The following EXPH5 variants were observed in gnomAD, a reference collection of about 807,000 sequenced individuals.
The protein encoded by EXPH5 is exophilin-5.
Under a neutral mutation model 41.1 loss-of-function variants are expected in EXPH5, and 42 were observed. The ratio of observed to expected loss-of-function variants is 1.02; its 90% CI spans 0.80 to 1.32. EXPH5 has a LOEUF of 1.32. EXPH5 is among the 40% of genes most tolerant of loss of function. The probability of loss-of-function intolerance (pLI) is 0.00; values close to 1 mark genes in which losing one functional copy is unlikely to be tolerated. For missense variants in EXPH5, 2,298 were observed against 2,314.5 expected (o/e 0.99, Z 0.15); for synonymous variants, 798 against 833.5 (o/e 0.96, Z 0.73).
chr11:108,597,640 A>G (rs963625760), upstream of EXPH5, among the ~76,000 whole-genome samples: 2 of 152,212 alleles, frequency 1.3e-5, no homozygotes, highest in African/African-American at 4.8e-5. Context: ...CAGTATTATA[A>G]TTAATGGTGA....
In EXPH5 at chr11:108,532,002, A is replaced by C. The variant is rs1183431369; in HGVS notation, c.444-3818T>G. ...TCCAAGTTTTTGTCCCAATCCAATC[A>C]ATCCTTTATACTTTATTCAGAGTGA... On this transcript the variant is annotated intron_variant, in intron 3 of 5. Coordinates refer to ENST00000265843, the MANE Select transcript of EXPH5 (RefSeq NM_015065.3). Among the ~76,000 whole-genome samples the C allele has an allele frequency of 7.9e-5, 12 of 152,018 alleles. No individual in the cohort carries two copies. In the East Asian group the frequency reaches 2.1e-3, roughly 27 times the overall value.
Position 108,512,404 on chromosome 11 carries a change from G to A in EXPH5, c.3103C>T (p.Gln1035Ter), listed in dbSNP as rs1416881407. 1 of 1,610,136 alleles carries A rather than the reference G, an allele frequency of 6.2e-7. No homozygotes were observed. Among genetic ancestry groups the A allele is most frequent in the Non-Finnish European group, 8.5e-7 (1 of 1,178,686 alleles). ...GCAGCCATTATTTTACTTCCTGACT[G>A]CCTGCCATGTATGAGAAAACTGCTT... ...KSSSFLIHGRQSGSKIMAASL... is the reference protein window; with the variant it reads ...KSSSFLIHGR The change falls in exon 6 of 6, where the codon CAG becomes TAG. Residue 1035 changes from glutamine (Q) to a stop codon, truncating the protein, a stop_gained. Transcript: ENST00000265843. LOFTEE classifies it low-confidence loss of function (END_TRUNC).
upstream of EXPH5, among the ~76,000 whole-genome samples, chr11:108,594,532 G>A (rs149119706): frequency 1.2e-3 from 177 of 152,198 alleles, 2 homozygotes; most frequent in African/African-American, 4.2e-3. Context: ...AAAGTCAATT[G>A]TTCCACAATG....
At chr11:108,599,026 A>AG in the EXPH5 span, among the ~76,000 whole-genome samples, 1 of 538 alleles carries the variant, frequency 1.9e-3, no homozygotes, top group Non-Finnish European at 8.9e-3. Flanking sequence ...GCCCTCCGGA[A>AG]AAAGAGACGG....
At chr11:108,537,556 G>A (rs1386313143) in intron 3 of EXPH5, among the ~76,000 whole-genome samples, 2 of 152,172 alleles carry the variant, frequency 1.3e-5, no homozygotes, top group African/African-American at 4.8e-5. Context: ...ATCTAAGAAG[G>A]ACATTTGCTA....
Position 108,545,014 on chromosome 11 carries a change from A to ATT in EXPH5, c.120-3204_120-3203dup, listed in dbSNP as rs57345072. Among the ~76,000 whole-genome samples the ATT allele has an allele frequency of 4.9e-3, 720 of 148,260 alleles. 9 individuals are homozygous for ATT. Among genetic ancestry groups the ATT allele is most frequent in the African/African-American group, 0.016 (658 of 40,616 alleles). On this transcript the variant is annotated intron_variant, in intron 1 of 5. Coordinates refer to ENST00000265843, the MANE Select transcript of EXPH5 (RefSeq NM_015065.3). ...TTATTTGTGTTGTCACTTTTCCATT[A>ATT]TTTTTTTTTTGGAGACAGAAATCAG...
At chr11:108,568,991 G>C (rs1392806467) in intron 1 of EXPH5, among the ~76,000 whole-genome samples, 1 of 152,002 alleles carries the variant, frequency 6.6e-6, no homozygotes, top group Non-Finnish European at 1.5e-5. Flanking sequence ...TCAAGCTCAG[G>C]GGCCTCGGCT....
intron 1 of EXPH5, among the ~76,000 whole-genome samples, chr11:108,589,260 T>C (rs1427561955): frequency 6.6e-6 from 1 of 152,182 alleles, no homozygotes; most frequent in African/African-American, 2.4e-5. Context: ...AGACATCCAA[T>C]GTCTCTAGAA....
intron 1 of EXPH5, among the ~76,000 whole-genome samples, chr11:108,573,135 A>AGAAG (rs1555198951): frequency 7.7e-5 from 10 of 130,254 alleles, no homozygotes; most frequent in African/African-American, 2.4e-4. Context: ...AAGGAAGGAA[A>AGAAG]GAAGGAAAGA....
chr11:108,588,275 T>A (rs1350163381), intron 1 of EXPH5, among the ~76,000 whole-genome samples: 2 of 152,244 alleles, frequency 1.3e-5, no homozygotes, highest in Non-Finnish European at 2.9e-5. Context: ...TCCTTAGTAA[T>A]AACATCTCCA....
intron 4 of EXPH5, among the ~76,000 whole-genome samples, chr11:108,523,429 G>A (rs973911187): frequency 2.6e-5 from 4 of 151,766 alleles, no homozygotes; most frequent in Middle Eastern, 3.4e-3. Flanking sequence ...TTTTTTTACC[G>A]TTATTTCACT....
chr11:108,601,105 A>G, the EXPH5 span, among the ~76,000 whole-genome samples: 1 of 152,212 alleles, frequency 6.6e-6, no homozygotes, highest in African/African-American at 2.4e-5. Context: ...TGTGGTCCTG[A>G]GTTAGAATGT....
At chr11:108,526,470 T>G (rs528685133) in intron 4 of EXPH5, among the ~76,000 whole-genome samples, 2 of 152,360 alleles carry the variant, frequency 1.3e-5, no homozygotes, top group Non-Finnish European at 2.9e-5. Flanking sequence ...ATTCCTTTTC[T>G]GCCTCAGACC....
At chr11:108,595,126 C>T (rs1391566180), upstream of EXPH5, among the ~76,000 whole-genome samples, 1 of 152,180 alleles carries the variant, frequency 6.6e-6, no homozygotes, top group Non-Finnish European at 1.5e-5. Context: ...ACACTGTTTC[C>T]AGTATATCAG....
At chr11:108,594,262 C>A (rs1473551965), upstream of EXPH5, among the ~76,000 whole-genome samples, 1 of 152,138 alleles carries the variant, frequency 6.6e-6, no homozygotes, top group Admixed American at 6.5e-5. Context: ...CCCACAGACA[C>A]CCCCACCTCC....
chr11:108,567,782 T>G (rs1393078036), intron 1 of EXPH5: 1 of 152,226 alleles, frequency 6.6e-6, no homozygotes, highest in East Asian at 1.9e-4. Flanking sequence ...CCTTTACCCT[T>G]GTGCCTGCTG....
intron 1 of EXPH5, among the ~76,000 whole-genome samples, chr11:108,552,882 A>G (rs1366413273): frequency 1.3e-5 from 2 of 151,714 alleles, no homozygotes; most frequent in Non-Finnish European, 2.9e-5. Flanking sequence ...TGCCACTGCA[A>G]TCCAGCCTGG....
At chr11:108,558,169 C>T (rs902314736) in intron 1 of EXPH5, among the ~76,000 whole-genome samples, 10 of 152,178 alleles carry the variant, frequency 6.6e-5, no homozygotes, top group African/African-American at 2.4e-4. Context: ...TCTTGAACTC[C>T]TGACCTCAAG....
intron 3 of EXPH5, among the ~76,000 whole-genome samples, chr11:108,530,198 T>C (rs2093828141): frequency 6.6e-6 from 1 of 152,358 alleles, no homozygotes; most frequent in Non-Finnish European, 1.5e-5. Context: ...AGGAGTTAAA[T>C]ACTGCTTTTA....
Sources: gnomAD v4.1 joint callset for allele counts (sites outside exome capture counted in the v4.1 genomes callset) on GRCh38, gnomAD v4.1.1 for gene constraint, MANE v1.5 for transcripts, NCBI Gene and HGNC (gene_info 2026-07-23, HGNC 2026-07-21) for gene names.